The following TMX2 variants were observed in gnomAD, a reference collection of about 807,000 sequenced individuals.
The protein encoded by TMX2 is thioredoxin-related transmembrane protein 2.
A neutral mutation model predicts 33.4 loss-of-function variants in TMX2; 20 were observed. The ratio of observed to expected loss-of-function variants is 0.60; its 90% confidence interval spans 0.42 to 0.87. The LOEUF is 0.87. TMX2 is among the 40% of genes least tolerant of loss of function. The pLI, the probability that TMX2 is intolerant of heterozygous loss-of-function variation, is 0.00. For missense variants in TMX2, 340 were observed against 370.7 expected, an observed-to-expected ratio of 0.92 and a Z score of 0.68; for synonymous variants, 166 against 140.7, an observed-to-expected ratio of 1.18 and a Z score of -1.27.
At chr11:57,717,264 G>A (rs553336638) in intron 1 of TMX2, among the ~76,000 whole-genome samples, 110 of 152,092 alleles carry the variant, frequency 7.2e-4, no homozygotes, top group African/African-American at 2.5e-3. Flanking sequence ...GACGATGGGC[G>A]GCCAGGCAGA....
At chr11:57,727,492 A>T (rs1216054135) in intron 1 of TMX2, among the ~76,000 whole-genome samples, 2 of 152,166 alleles carry the variant, frequency 1.3e-5, no homozygotes, top group Non-Finnish European at 2.9e-5. Flanking sequence ...ATTCCTTTCT[A>T]AGGGGTCTGG....
intron 3 of TMX2, 31 bp from the exon 4 acceptor site, chr11:57,738,323 G>C: frequency 6.6e-7 from 1 of 1,525,832 alleles, no homozygotes; most frequent in Non-Finnish European, 9.1e-7. Flanking sequence ...GGCTTTTTAT[G>C]TTTCCTTCGA....
rs927904184 is a variant in TMX2, at chr11:57,738,134, A to G, written c.364+108A>G. Reference sequence around the variant, plus strand: ...GTTGCAATCCCAAACATGTTTCTCCATACCCTTCTTCCATATCTCATACCT... The same window carrying G: ...GTTGCAATCCCAAACATGTTTCTCCGTACCCTTCTTCCATATCTCATACCT... On this transcript the variant is annotated intron_variant, in intron 3 of 7. Transcript: ENST00000278422. 5.6e-6 allele frequency: 5 copies of G among 893,936 alleles called. No homozygotes were observed. In the South Asian group the frequency reaches 8.2e-5, roughly 15 times the overall value. The allele number at this position is 893,936 out of a possible 1,614,324, so 55.4% of individuals were successfully genotyped here.
intron 1 of TMX2, among the ~76,000 whole-genome samples, chr11:57,717,143 A>G (rs1947168905): frequency 3.6e-5 from 5 of 137,924 alleles, no homozygotes; most frequent in South Asian, 4.9e-4. Flanking sequence ...CCCAGATGGG[A>G]TGGCTGCTGG....
intron 1 of TMX2, among the ~76,000 whole-genome samples, chr11:57,723,805 A>AAAT (rs71061533): frequency 0.34 from 47,656 of 142,190 alleles, 8,480 homozygotes; most frequent in Non-Finnish European, 0.41. Flanking sequence ...TCTGTCTCAA[A>AAAT]AATAATAATA....
intron 1 of TMX2, among the ~76,000 whole-genome samples, chr11:57,735,916 G>A (rs1948727246): frequency 6.6e-6 from 1 of 152,196 alleles, no homozygotes. Context: ...CTGGTTAGTT[G>A]TTTTGTCCTA....
intron 1 of TMX2, among the ~76,000 whole-genome samples, chr11:57,724,138 G>A (rs1046033214): frequency 6.6e-6 from 1 of 151,990 alleles, no homozygotes; most frequent in African/African-American, 2.4e-5. Context: ...AAATGCTACA[G>A]AATTTAAGAG....
chr11:57,713,494 T>TC (rs1476986808), intron 1 of TMX2, among the ~76,000 whole-genome samples: 5 of 152,184 alleles, frequency 3.3e-5, no homozygotes, highest in Non-Finnish European at 7.3e-5. Flanking sequence ...TTGCTGTGCT[T>TC]CCTTGGTATG....
intron 1 of TMX2, among the ~76,000 whole-genome samples, chr11:57,727,259 A>G (rs537096170): frequency 3.9e-5 from 6 of 152,248 alleles, no homozygotes; most frequent in Non-Finnish European, 7.4e-5. Context: ...CCAAATCGCT[A>G]ATATTTAAAA....
intron 1 of TMX2, among the ~76,000 whole-genome samples, chr11:57,727,324 C>A (rs1948071427): frequency 6.6e-6 from 1 of 151,904 alleles, no homozygotes; most frequent in Non-Finnish European, 1.5e-5. Context: ...TCCTGTGGGA[C>A]CCTGCCAGAT....
intron 1 of TMX2, among the ~76,000 whole-genome samples, chr11:57,715,547 A>C (rs1274473758): frequency 6.7e-6 from 1 of 149,860 alleles, no homozygotes; most frequent in East Asian, 1.9e-4. Flanking sequence ...ACAAGATAAA[A>C]TTTCCATAAA....
chr11:57,739,177 A>C lies in TMX2; in HGVS notation c.661A>C (p.Ile221Leu). 1 of 1,614,128 alleles carries C rather than the reference A, an allele frequency of 6.2e-7. No homozygotes were observed. The highest frequency in any genetic ancestry group is 1.1e-5 in the South Asian group (1 of 91,084). ...CCTCACCAAGCAACTCCCTACCCTG[A>C]TCCTGTTCCAAGGTGGCAAGGAGGC... ...SPLTKQLPTL[I>L]LFQGGKEAMR... The change falls in exon 7 of 8, where the codon ATC becomes CTC. Residue 221 changes from isoleucine (I) to leucine (L), a missense_variant. Transcript: ENST00000278422.
rs35498272 is a variant in TMX2, at chr11:57,738,440, CT to C, written c.441+13del. 3 of 1,596,444 alleles carry C rather than the reference CT, an allele frequency of 1.9e-6. No homozygotes were observed. Among genetic ancestry groups the C allele is most frequent in the Non-Finnish European group, 2.6e-6 (3 of 1,164,634 alleles). ...TGATAAAACCATTGATGTGAGTGCT[CT>C]TTCCCCTTTCTGTTTCTTGGGTCCC... On this transcript the variant is annotated intron_variant, in intron 4 of 7. Coordinates refer to ENST00000278422, the MANE Select transcript of TMX2 (RefSeq NM_015959.4).
At chr11:57,712,930 G>A (rs1946716372) in intron 1 of TMX2, 123 bp downstream of exon 1, 1 of 1,052,244 alleles carries the variant, frequency 9.5e-7, no homozygotes, top group Non-Finnish European at 1.4e-6. Context: ...AGCGGACTTA[G>A]AGACTATTAA....
chr11:57,734,638 C>T (rs530854510), intron 1 of TMX2, among the ~76,000 whole-genome samples: 2 of 151,828 alleles, frequency 1.3e-5, no homozygotes, highest in Admixed American at 1.3e-4. Context: ...ATCCCAGCTA[C>T]TCCGGAGGCT....
At chr11:57,716,231 C>G (rs1351219378) in intron 1 of TMX2, among the ~76,000 whole-genome samples, 6 of 150,344 alleles carry the variant, frequency 4.0e-5, no homozygotes, top group Non-Finnish European at 7.4e-5. Context: ...CCACCTCCCT[C>G]CTGGACGGGG....
At chr11:57,716,425 G>C (rs1463622756) in intron 1 of TMX2, among the ~76,000 whole-genome samples, 27 of 124,958 alleles carry the variant, frequency 2.2e-4, no homozygotes, top group Middle Eastern at 4.9e-3. Context: ...GGACGGGGCG[G>C]CTGGCCGGGC....
rs1422242253 is a variant in TMX2 at position 57,740,747 on chromosome 11, C to G, written c.*502C>G. 2.6e-5 allele frequency: 4 copies of G among 153,900 alleles called. No homozygotes were observed. The highest frequency in any genetic ancestry group is 9.6e-5 in the African/African-American group (4 of 41,454). The allele number at this position is 153,900 out of a possible 1,614,324, so 9.5% of individuals were successfully genotyped here. On this transcript the variant is annotated 3_prime_UTR_variant, in exon 8 of 8. Transcript: ENST00000278422. ...TAAAAGTATAAGCCTAACTTTGTCG[C>G]TAGTCCTAAGGAGAAACCTTTAACC...
rs1316081094 is a variant in TMX2 at position 57,716,472 on chromosome 11, C to T, written c.189+3665C>T. 9.1e-5 allele frequency among the ~76,000 whole-genome samples: 11 copies of T among 120,772 alleles called. 1 individual carries two copies. The highest frequency in any genetic ancestry group is 2.8e-4 in the African/African-American group (9 of 32,554). 79.2% of individuals were successfully genotyped at this position (120,772 alleles called of 152,430 possible). On this transcript the variant is annotated intron_variant, in intron 1 of 7. Transcript: ENST00000278422. ...CCCCCCACCTCCCTCCCGGACGGGG[C>T]GGCTGGCCGGGCTGAGGGGCTCCTC...
Sources: allele counts gnomAD v4.1 joint callset (sites outside exome capture counted in the v4.1 genomes callset), GRCh38; gene constraint gnomAD v4.1.1; transcripts MANE v1.5; gene names NCBI Gene and HGNC (gene_info 2026-07-23, HGNC 2026-07-21).